The following NEK6 variants were observed in gnomAD, a reference collection of about 807,000 sequenced individuals.
NEK6 encodes the protein NIMA related kinase 6.
A neutral mutation model predicts 43.5 loss-of-function variants in NEK6; 27 were observed. The observed-to-expected ratio is 0.62, with a 90% confidence interval of 0.46 to 0.86. The LOEUF (loss-of-function observed/expected upper bound fraction) is 0.86. NEK6 is among the 40% of genes least tolerant of loss of function. The pLI, the probability that NEK6 is intolerant of heterozygous loss-of-function variation, is 0.00. For synonymous variants in NEK6, 167 were observed against 164.1 expected (o/e 1.02, Z -0.14); for missense variants, 318 against 414.4 (o/e 0.77, Z 2.02).
chr9:124,282,436 C>G (rs898412915), intron 1 of NEK6, among the ~76,000 whole-genome samples: 2 of 152,236 alleles, frequency 1.3e-5, no homozygotes, highest in Non-Finnish European at 2.9e-5. Flanking sequence ...TTAGTATCTC[C>G]AAGTAAGGGC....
chr9:124,349,586 T>TGAAAATAAGACAC (rs1358561925), intron 9 of NEK6, among the ~76,000 whole-genome samples: 6 of 152,220 alleles, frequency 3.9e-5, no homozygotes, highest in African/African-American at 1.4e-4. Flanking sequence ...TGCTTAGAAA[T>TGAAAATAAGACAC]GAAAATAAGA....
rs551054531 is a variant in NEK6, at chr9:124,330,616, C to A, written c.622+3171C>A. 2.6e-5 allele frequency among the ~76,000 whole-genome samples: 4 copies of A among 152,384 alleles called. No individual in the cohort carries two copies. In the East Asian group the frequency reaches 7.7e-4, roughly 29 times the overall value. On this transcript the variant is annotated intron_variant, in intron 7 of 9. Transcript: ENST00000320246. ...TCAGGTACTCGAGGTCACGGCCCTG[C>A]TGGGTCTCCCAGGGCTTAGCCTGGC...
intron 5 of NEK6, among the ~76,000 whole-genome samples, chr9:124,323,728 A>C (rs1263647294): frequency 6.6e-6 from 1 of 152,012 alleles, no homozygotes; most frequent in African/African-American, 2.4e-5. Flanking sequence ...TCTTGGAGGG[A>C]GCATTGCAGG....
rs1834328468 is a variant in NEK6 at position 124,326,216 on chromosome 9, C to A, written c.406-114C>A. 9.4e-6 allele frequency: 2 copies of A among 212,742 alleles called. No homozygotes were observed. The highest frequency in any genetic ancestry group is 8.4e-5 in the Admixed American group (2 of 23,864). The allele number at this position is 212,742 out of a possible 1,614,324, so 13.2% of individuals were successfully genotyped here. A position where few individuals can be genotyped will look rare whatever the true frequency, so the allele number is the denominator to read the frequency against. On this transcript the variant is annotated intron_variant, in intron 5 of 9. Transcript: ENST00000320246. The surrounding 1 kb of genome is among the most constrained non-coding windows in gnomAD (Gnocchi z 4.5). ...CAGTGGCTCAATCCCCCCCCCCCGCCCCTGCCAGGCACCAGTTACCCACTG... is the reference window on the plus strand; with the variant it reads ...CAGTGGCTCAATCCCCCCCCCCCGCACCTGCCAGGCACCAGTTACCCACTG...
chr9:124,303,424 T>G (rs1424444080), intron 2 of NEK6, among the ~76,000 whole-genome samples: 1 of 152,206 alleles, frequency 6.6e-6, no homozygotes, highest in African/African-American at 2.4e-5. Context: ...GCACAAAGCT[T>G]CTGGGCTAAG....
At chr9:124,345,006 G>T (rs1309316087) in intron 8 of NEK6, among the ~76,000 whole-genome samples, 1 of 152,234 alleles carries the variant, frequency 6.6e-6, no homozygotes, top group Non-Finnish European at 1.5e-5. Flanking sequence ...GGCCCTGACA[G>T]GCAGGAGTCA....
rs553209465 is a variant in NEK6, at chr9:124,332,922, G to A, written c.622+5477G>A. Among the ~76,000 whole-genome samples the A allele has an allele frequency of 5.3e-5, 8 of 152,182 alleles. No individual in the cohort carries two copies. The East Asian group carries it at 1.2e-3, about 22-fold the overall frequency. ...CCGTCCCCCACCAAGAGGAGGGGGCGGTGGGAGTCTCAGGGAGGGGCATGG... is the reference window on the plus strand; with the variant it reads ...CCGTCCCCCACCAAGAGGAGGGGGCAGTGGGAGTCTCAGGGAGGGGCATGG... On this transcript the variant is annotated intron_variant, in intron 7 of 9. Coordinates refer to ENST00000320246, the MANE Select transcript of NEK6 (RefSeq NM_014397.6).
At chr9:124,271,106 G>A (rs1831418398) in intron 1 of NEK6, among the ~76,000 whole-genome samples, 1 of 152,230 alleles carries the variant, frequency 6.6e-6, no homozygotes, top group South Asian at 2.1e-4. Flanking sequence ...CCAGCCAGGG[G>A]CTCTCCCTCT....
chr9:124,291,438 C>T (rs1182325996), intron 1 of NEK6, among the ~76,000 whole-genome samples: 1 of 152,144 alleles, frequency 6.6e-6, no homozygotes, highest in South Asian at 2.1e-4. Context: ...ACCAGCCTGA[C>T]CAACATGGAG....
chr9:124,341,072 C>T (rs2131050221), intron 8 of NEK6, among the ~76,000 whole-genome samples: 1 of 152,284 alleles, frequency 6.6e-6, no homozygotes, highest in African/African-American at 2.4e-5. Context: ...GACAGAGTCT[C>T]ACTCTTGTCG....
intron 2 of NEK6, 37 bp from the exon 3 acceptor site, chr9:124,312,472 C>G: frequency 6.2e-7 from 1 of 1,600,290 alleles, no homozygotes; most frequent in Non-Finnish European, 8.5e-7. Flanking sequence ...CTGCTGCAGC[C>G]TGGCTGCTCA....
intron 1 of NEK6, among the ~76,000 whole-genome samples, chr9:124,263,582 G>A (rs1010079489): frequency 6.6e-6 from 1 of 152,230 alleles, no homozygotes; most frequent in African/African-American, 2.4e-5. Flanking sequence ...GAGAGACATG[G>A]AAAATCTTTA....
chr9:124,320,359 G>T (rs1015275845), intron 4 of NEK6, among the ~76,000 whole-genome samples: 1 of 152,346 alleles, frequency 6.6e-6, no homozygotes, highest in African/African-American at 2.4e-5. Context: ...GGGAATGAAT[G>T]AATGAATGAA....
intron 4 of NEK6, among the ~76,000 whole-genome samples, chr9:124,316,538 C>T (rs1174945949): frequency 1.3e-5 from 2 of 152,240 alleles, no homozygotes; most frequent in Admixed American, 1.3e-4. Context: ...CTTTGCAGCA[C>T]CTTCCCTGTC....
In NEK6 at chr9:124,275,399, G is replaced by A. The variant is rs574934454; in HGVS notation, c.-30+17314G>A. On this transcript the variant is annotated intron_variant, in intron 1 of 9. Coordinates refer to ENST00000320246, the MANE Select transcript of NEK6 (RefSeq NM_014397.6). This position sits in a 1 kb window ranked among gnomAD's most constrained non-coding sequence, Gnocchi z 4.4. ...GGGTGACCTGGTTGATGACGGTCAT[G>A]GAGCCCAGAACCCATGGGTAACGGG... Among the ~76,000 whole-genome samples the A allele has an allele frequency of 5.9e-5, 9 of 152,272 alleles. No individual in the cohort carries two copies. In the South Asian group the frequency reaches 1.9e-3, roughly 32 times the overall value.
intron 4 of NEK6, among the ~76,000 whole-genome samples, chr9:124,317,205 C>T (rs1353683371): frequency 2.0e-5 from 3 of 152,154 alleles, no homozygotes; most frequent in South Asian, 4.1e-4. Flanking sequence ...CCAGTGTTCG[C>T]GCAGGACGTC....
intron 7 of NEK6, 100 bp from the exon 8 acceptor site, chr9:124,339,471 C>G (rs1829475012): frequency 1.2e-6 from 1 of 805,422 alleles, no homozygotes; most frequent in Admixed American, 1.8e-5. Context: ...GAGGCACAAT[C>G]TCTCCCCAGC....
chr9:124,322,737 C>G (rs888886571), intron 5 of NEK6, among the ~76,000 whole-genome samples: 2 of 152,260 alleles, frequency 1.3e-5, no homozygotes, highest in Admixed American at 1.3e-4. Context: ...GGAGCCCCCA[C>G]CCTGCTCACA....
At chr9:124,271,618 G>A (rs1831441250) in intron 1 of NEK6, among the ~76,000 whole-genome samples, 1 of 152,390 alleles carries the variant, frequency 6.6e-6, no homozygotes, top group South Asian at 2.1e-4. Context: ...ACACACTTTG[G>A]AAACTGAGAT....
Sources: gnomAD v4.1 joint callset for allele counts (sites outside exome capture counted in the v4.1 genomes callset) on GRCh38, gnomAD v4.1.1 for gene constraint, Gnocchi (gnomAD v3.1) non-coding constraint, MANE v1.5 for transcripts, NCBI Gene and HGNC (gene_info 2026-07-23, HGNC 2026-07-21) for gene names.